CHST12: variants seen among roughly 807,000 people sequenced by gnomAD.
The protein encoded by CHST12 is carbohydrate sulfotransferase 12.
A neutral mutation model predicts 27.9 loss-of-function variants in CHST12; 23 were observed. The observed-to-expected ratio is 0.82, with a 90% CI of 0.59 to 1.17. CHST12 has a LOEUF of 1.17. CHST12 is among the 50% of genes most tolerant of loss of function. The pLI, the probability that CHST12 is intolerant of heterozygous loss-of-function variation, is 0.00. For synonymous variants in CHST12, 322 were observed against 273.0 expected, an observed-to-expected ratio of 1.18 and a Z score of -1.77; for missense variants, 682 against 603.0, an observed-to-expected ratio of 1.13 and a Z score of -1.37.
chr7:2,419,535 C>T (rs1562513511), intron 1 of CHST12, among the ~76,000 whole-genome samples: 1 of 151,752 alleles, frequency 6.6e-6, no homozygotes, highest in African/African-American at 2.4e-5. Context: ...GGTGAAGCCC[C>T]GTCTCTACTA....
In CHST12 at chr7:2,433,632, G is replaced by C. The variant is rs751420768; in HGVS notation, c.993G>C (p.Pro331=). Residue 331 remains proline, a synonymous_variant, in exon 2 of 2, where the codon CCG becomes CCC. Transcript: ENST00000618655. The surrounding 1 kb of genome is among the most constrained non-coding windows in gnomAD (Gnocchi z 6.1). Reference sequence around the variant, plus strand: ...GGCAGGTGTACCGCCTCTGCCACCCGTGCCAGATCGACTACGACTTCGTGG... The same window carrying C: ...GGCAGGTGTACCGCCTCTGCCACCCCTGCCAGATCGACTACGACTTCGTGG... ...HWRQVYRLCH[P]CQIDYDFVGK... The C allele has an allele frequency of 5.6e-6, 9 of 1,613,598 alleles. No individual in the cohort carries two copies. Among genetic ancestry groups the C allele is most frequent in the Non-Finnish European group, 7.6e-6 (9 of 1,180,008 alleles).
Position 2,433,719 on chromosome 7 carries a change from G to T in CHST12, c.1080G>T (p.Arg360=). Residue 360 remains arginine (R), a synonymous_variant, in exon 2 of 2, where the codon CGG becomes CGT. Transcript: ENST00000618655. The surrounding 1 kb of genome is among the most constrained non-coding windows in gnomAD (Gnocchi z 6.1). ...TGCTGCAGCTACTCCAGGTGGACCG[G>T]CAGCTCCGCTTCCCCCCGAGCTACC... ...AQLLQLLQVD[R]QLRFPPSYRN... is the part of the protein sequence containing the mutation. 2 of 1,613,560 alleles carry T rather than the reference G, an allele frequency of 1.2e-6. No individual in the cohort carries two copies. Among genetic ancestry groups the T allele is most frequent in the Non-Finnish European group, 1.7e-6 (2 of 1,179,912 alleles).
intron 1 of CHST12, among the ~76,000 whole-genome samples, chr7:2,407,583 G>T (rs918405983): frequency 6.6e-6 from 1 of 152,124 alleles, no homozygotes; most frequent in Non-Finnish European, 1.5e-5. Context: ...CCAGTACCAC[G>T]GGTGAAAATG....
In CHST12 at chr7:2,445,162, C is replaced by T. The variant is rs758122232; in HGVS notation, c.*11278C>T. The T allele has an allele frequency of 1.3e-5, 2 of 152,164 alleles. No homozygotes were observed. The highest frequency in any genetic ancestry group is 6.5e-5 in the Admixed American group (1 of 15,270). 9.4% of individuals were successfully genotyped at this position (152,164 alleles called of 1,614,324 possible). A position where few individuals can be genotyped will look rare whatever the true frequency, so the allele number is the denominator to read the frequency against. ...GTTCTCAGACATTCCAGAAGCTTCT[C>T]CCGGAGTCCAGAGCCTCCCAGTGGT... On this transcript the variant is annotated 3_prime_UTR_variant, in exon 2 of 2. Coordinates refer to ENST00000618655, the MANE Select transcript of CHST12 (RefSeq NM_018641.5).
intron 1 of CHST12, 105 bp from the exon 2 acceptor site, chr7:2,432,458 C>T: frequency 2.9e-6 from 2 of 687,886 alleles, no homozygotes; most frequent in Non-Finnish European, 4.8e-6. Context: ...ATCACGTGGC[C>T]CAGCGCTCCT....
chr7:2,412,242 C>T (rs1187147659), intron 1 of CHST12, among the ~76,000 whole-genome samples: 2 of 152,124 alleles, frequency 1.3e-5, no homozygotes, highest in African/African-American at 4.8e-5. Flanking sequence ...AGCAAATAAA[C>T]CATAGTCCTG....
chr7:2,426,499 T>C (rs2115427457), intron 1 of CHST12, among the ~76,000 whole-genome samples: 1 of 152,148 alleles, frequency 6.6e-6, no homozygotes, highest in South Asian at 2.1e-4. Context: ...TGGGAAAGAC[T>C]TCGCTGAGCT....
intron 1 of CHST12, among the ~76,000 whole-genome samples, chr7:2,407,135 G>T (rs1781546537): frequency 6.6e-6 from 1 of 152,188 alleles, no homozygotes; most frequent in Non-Finnish European, 1.5e-5. Context: ...AAGCAACGAG[G>T]TGGCAAATGA....
chr7:2,406,364 C>T (rs1284687135), intron 1 of CHST12, among the ~76,000 whole-genome samples: 2 of 98,244 alleles, frequency 2.0e-5, no homozygotes, highest in South Asian at 3.7e-4. Flanking sequence ...CAGTTGAGTA[C>T]GGGGTGGGGG....
Position 2,433,794 on chromosome 7 carries a change from C to G in CHST12, c.1155C>G (p.Pro385=), listed in dbSNP as rs764562574. 11 of 1,614,048 alleles carry G rather than the reference C, an allele frequency of 6.8e-6. No individual in the cohort carries two copies. The highest frequency in any genetic ancestry group is 1.6e-4 in the Middle Eastern group (1 of 6,084). ...AGGAGGACTGGTTCGCCAAGATCCCCCTGGCCTGGAGGCAGCAGCTGTATA... is the reference window on the plus strand; with the variant it reads ...AGGAGGACTGGTTCGCCAAGATCCCGCTGGCCTGGAGGCAGCAGCTGTATA... ...SWEEDWFAKI[P]LAWRQQLYKL... Residue 385 remains proline, a synonymous_variant, in exon 2 of 2, where the codon CCC becomes CCG. Coordinates refer to ENST00000618655, the MANE Select transcript of CHST12 (RefSeq NM_018641.5). This position sits in a 1 kb window ranked among gnomAD's most constrained non-coding sequence, Gnocchi z 6.1.
intron 1 of CHST12, among the ~76,000 whole-genome samples, chr7:2,407,232 G>C (rs1262955056): frequency 2.6e-5 from 4 of 152,120 alleles, no homozygotes; most frequent in Non-Finnish European, 5.9e-5. Context: ...GATCGTTTGA[G>C]GCCAGGAGTT....
At chr7:2,430,161 C>T (rs1184324132) in intron 1 of CHST12, among the ~76,000 whole-genome samples, 1 of 152,022 alleles carries the variant, frequency 6.6e-6, no homozygotes, top group Non-Finnish European at 1.5e-5. Context: ...ATTCTGTGTA[C>T]TTTAACTTTT....
In CHST12 at chr7:2,434,579, T is replaced by TG. The variant is rs1782423348; in HGVS notation, c.*695_*696insG. 1.4e-4 allele frequency: 3 copies of TG among 20,962 alleles called. No individual in the cohort carries two copies. Among genetic ancestry groups the TG allele is most frequent in the Non-Finnish European group, 2.5e-4 (3 of 11,976 alleles). The allele number at this position is 20,962 out of a possible 1,614,324, so 1.3% of individuals were successfully genotyped here. On this transcript the variant is annotated 3_prime_UTR_variant, in exon 2 of 2. Transcript: ENST00000618655. ...CAACATGGTGAAACCCTGTCTCTAC[T>TG]AAAAAAAAAAAAAAAAAAAAAAAAA...
At position 2,439,645 on chromosome 7, in the gene CHST12, C is replaced by T. The variant is rs933860363; in HGVS notation, c.*5761C>T. On this transcript the variant is annotated 3_prime_UTR_variant, in exon 2 of 2. Transcript: ENST00000618655. ...CTGTAATCCCGGCACTTTGGGAGGCCGAGGTGGGTGGATCACGAGGTCAGG... is the reference window on the plus strand; with the variant it reads ...CTGTAATCCCGGCACTTTGGGAGGCTGAGGTGGGTGGATCACGAGGTCAGG... The T allele has an allele frequency of 2.0e-5, 3 of 151,708 alleles. No homozygotes were observed. The highest frequency in any genetic ancestry group is 4.4e-5 in the Non-Finnish European group (3 of 67,968). The allele number at this position is 151,708 out of a possible 1,614,324, so 9.4% of individuals were successfully genotyped here.
At chr7:2,416,922 A>G (rs1375412822) in intron 1 of CHST12, among the ~76,000 whole-genome samples, 1 of 152,248 alleles carries the variant, frequency 6.6e-6, no homozygotes, top group Non-Finnish European at 1.5e-5. Flanking sequence ...GCGATAAATA[A>G]GCACGTAAAT....
intron 1 of CHST12, among the ~76,000 whole-genome samples, chr7:2,405,289 A>G (rs867487570): frequency 6.6e-6 from 1 of 152,274 alleles, no homozygotes; most frequent in Admixed American, 6.5e-5. Context: ...TACTAAAAAT[A>G]CAAAATTTAG....
rs112523292 is a variant in CHST12, at chr7:2,428,765, A to G, written c.-77-3798A>G. Among the ~76,000 whole-genome samples the G allele has an allele frequency of 6.1e-3, 924 of 152,346 alleles. 7 individuals carry two copies. The highest frequency in any genetic ancestry group is 0.02 in the African/African-American group (846 of 41,586). ...CTTAAAACAGAAACACAGGCTTTCC[A>G]TAACCTATGATTAGCAAGATATTAA... On this transcript the variant is annotated intron_variant, in intron 1 of 1. Transcript: ENST00000618655.
Position 2,433,191 on chromosome 7 carries a change from G to C in CHST12, c.552G>C (p.Val184=). The C allele has an allele frequency of 6.2e-7, 1 of 1,612,954 alleles. No homozygotes were observed. The highest frequency in any genetic ancestry group is 8.5e-7 in the Non-Finnish European group (1 of 1,179,632). ...CCAACTGGAAGCGCGTGATGATCGTGCTGAGCGGAAGCCTGCTGCACCGCG... is the reference window on the plus strand; with the variant it reads ...CCAACTGGAAGCGCGTGATGATCGTCCTGAGCGGAAGCCTGCTGCACCGCG... ...ACTNWKRVMI[V]LSGSLLHRGA... The change falls in exon 2 of 2, where the codon GTG becomes GTC. Residue 184 remains valine, a synonymous_variant. Transcript: ENST00000618655. The surrounding 1 kb of genome is among the most constrained non-coding windows in gnomAD (Gnocchi z 6.1).
chr7:2,405,363 T>G (rs1781495708), intron 1 of CHST12, among the ~76,000 whole-genome samples: 1 of 152,032 alleles, frequency 6.6e-6, no homozygotes, highest in South Asian at 2.1e-4. Flanking sequence ...GAGAATAGCT[T>G]GAACCTGGAG....
Sources: gnomAD v4.1 joint callset for allele counts (sites outside exome capture counted in the v4.1 genomes callset) on GRCh38, gnomAD v4.1.1 for gene constraint, Gnocchi (gnomAD v3.1) non-coding constraint, MANE v1.5 for transcripts, NCBI Gene and HGNC (gene_info 2026-07-23, HGNC 2026-07-21) for gene names.